Variants in MBTPS1 observed in about 807,000 individuals in gnomAD.
MBTPS1 encodes membrane-bound transcription factor site-1 protease.
MBTPS1 carries 94 observed loss-of-function variants against 127.8 expected under a neutral mutation model. The ratio of observed to expected loss-of-function variants is 0.74; its 90% CI spans 0.62 to 0.87. The LOEUF (loss-of-function observed/expected upper bound fraction) is 0.87, where lower values mean the gene tolerates loss of function less well. Ranked by LOEUF, MBTPS1 falls within the 40% of genes least tolerant of loss-of-function variation. The probability of loss-of-function intolerance (pLI) is 0.00; values close to 1 mark genes in which losing one functional copy is unlikely to be tolerated. For missense variants in MBTPS1, 1,636 were observed against 1,353.2 expected (o/e 1.21, Z -3.28); for synonymous variants, 632 against 509.4 (o/e 1.24, Z -3.24).
rs377160599 is a variant in MBTPS1 at position 84,065,136 on chromosome 16, T to C, written c.2431+554A>G. ...CTTGAAGGTAGTTTTTTTTTTTTTTTTGAGATGGTCTCCCTCTGTTGCCCA... is the reference window on the plus strand; with the variant it reads ...CTTGAAGGTAGTTTTTTTTTTTTTTCTGAGATGGTCTCCCTCTGTTGCCCA... On this transcript the variant is annotated intron_variant, in intron 18 of 22. Transcript: ENST00000343411. Among the ~76,000 whole-genome samples, 3 of 151,990 alleles carry C rather than the reference T, an allele frequency of 2.0e-5. No individual in the cohort carries two copies. In the South Asian group the frequency reaches 6.2e-4, roughly 32 times the overall value.
At chr16:84,063,219 C>T (rs987303959) in intron 19 of MBTPS1, 86 bp downstream of exon 19, 209 of 1,423,184 alleles carry the variant, frequency 1.5e-4, no homozygotes, top group Non-Finnish European at 6.3e-5. Context: ...GCTGATCTGC[C>T]AGCATCTCAC....
In MBTPS1 at chr16:84,067,786, G is replaced by A. The variant is rs2085708565; in HGVS notation, c.2109C>T (p.Phe703=). ...LLMVDSEEEY[F]PEEIAKLRRD... ...TCCGGAGCTTGGCGATCTCTTCAGGGAAGTACTCCTCCTCACTGTCCACCA... is the reference window on the plus strand; with the variant it reads ...TCCGGAGCTTGGCGATCTCTTCAGGAAAGTACTCCTCCTCACTGTCCACCA... The change falls in exon 16 of 23, where the codon TTC becomes TTT. Residue 703 remains phenylalanine (F), a synonymous_variant. Coordinates refer to ENST00000343411, the MANE Select transcript of MBTPS1 (RefSeq NM_003791.4). 1 of 1,613,870 alleles carries A rather than the reference G, an allele frequency of 6.2e-7. No individual in the cohort carries two copies.
At chr16:84,097,234 A>C (rs2151165936) in intron 3 of MBTPS1, among the ~76,000 whole-genome samples, 1 of 152,364 alleles carries the variant, frequency 6.6e-6, no homozygotes, top group East Asian at 1.9e-4. Context: ...AAAATAAAGC[A>C]AAACCTTCTA....
intron 4 of MBTPS1, 85 bp from the exon 5 acceptor site, chr16:84,093,906 G>A (rs868003592): frequency 2.1e-6 from 2 of 972,414 alleles, no homozygotes. Context: ...TCCTTCCTGG[G>A]ACCCACAGAA....
intron 17 of MBTPS1, among the ~76,000 whole-genome samples, chr16:84,066,224 G>A (rs975539422): frequency 2.0e-5 from 3 of 152,174 alleles, no homozygotes; most frequent in African/African-American, 7.2e-5. Context: ...AAGCTGTGAG[G>A]TAGTTCCTAT....
Position 84,081,894 on chromosome 16 carries a change from C to T in MBTPS1, c.1301G>A (p.Arg434His), listed in dbSNP as rs755593855. Residue 434 changes from arginine (R) to histidine (H), a missense_variant, in exon 11 of 23, where the codon CGT becomes CAT. Physicochemically the swap from Arg to His is conservative, Grantham distance 29. Coordinates refer to ENST00000343411, the MANE Select transcript of MBTPS1 (RefSeq NM_003791.4). ...CATACTGGCGGGATTCACCAGCTCA[C>T]GCTTCTGGACTGTGCTGGAGGAAAA... Reference protein sequence around the residue: ...VTLLVSTVQKRELVNPASMKQ... With the variant: ...VTLLVSTVQKHELVNPASMKQ... 33 of 1,418,634 alleles carry T rather than the reference C, an allele frequency of 2.3e-5. No homozygotes were observed. Among genetic ancestry groups the T allele is most frequent in the African/African-American group, 7.4e-5 (5 of 67,864 alleles). 87.9% of individuals were successfully genotyped at this position (1,418,634 alleles called of 1,614,324 possible).
intron 19 of MBTPS1, chr16:84,061,127 G>C (rs1308232667): frequency 5.7e-6 from 1 of 174,910 alleles, no homozygotes; most frequent in Non-Finnish European, 1.2e-5. Flanking sequence ...CCGGAATTTA[G>C]CTTTTAAGAA....
At chr16:84,068,522 C>G in intron 14 of MBTPS1, 68 bp from the exon 15 acceptor site, 1 of 1,162,178 alleles carries the variant, frequency 8.6e-7, no homozygotes, top group Non-Finnish European at 1.3e-6. Context: ...TATCTGGCCA[C>G]AGGGCCGGCT....
intron 21 of MBTPS1, chr16:84,057,451 G>C (rs3785012): frequency 0.57 from 86,373 of 152,166 alleles, 25,743 homozygotes; most frequent in Non-Finnish European, 0.64. Flanking sequence ...TACCATGTGG[G>C]TGCTTTACAG....
At chr16:84,069,799 G>C in intron 14 of MBTPS1, 67 bp downstream of exon 14, 6 of 1,395,650 alleles carry the variant, frequency 4.3e-6, no homozygotes, top group African/African-American at 2.9e-5. Context: ...CAAGAGTTGC[G>C]GGAACAGTGG....
At position 84,054,494 on chromosome 16, in the gene MBTPS1, C is replaced by T. The variant is rs757338613; in HGVS notation, c.3114G>A (p.Pro1038=). The change falls in exon 23 of 23, where the codon CCG becomes CCA. Residue 1038 remains proline (P), a synonymous_variant. Transcript: ENST00000343411. The part of the protein sequence containing the change: ...PKRRKPRVKR[P]QLMQQVHPPK... The stretch of plus-strand genomic sequence containing the variant: ...GCGGGTGAACCTGCTGCATGAGCTG[C>T]GGGCGCTTCACCCTGGGCTTCCTCC... The T allele has an allele frequency of 2.6e-5, 42 of 1,612,498 alleles. No individual in the cohort carries two copies. Among genetic ancestry groups the T allele is most frequent in the African/African-American group, 5.3e-5 (4 of 74,872 alleles).
chr16:84,081,986 A>C, intron 10 of MBTPS1, 78 bp from the exon 11 acceptor site: 3 of 1,091,914 alleles, frequency 2.7e-6, no homozygotes, highest in Non-Finnish European at 3.6e-6. Flanking sequence ...TAACCTACAA[A>C]CGTGCACACA....
At chr16:84,098,595 G>A (rs911067232) in intron 3 of MBTPS1, among the ~76,000 whole-genome samples, 2 of 152,158 alleles carry the variant, frequency 1.3e-5, no homozygotes, top group Admixed American at 6.5e-5. Context: ...CAACAAGAGC[G>A]AAACTCCGTC....
intron 14 of MBTPS1, 97 bp downstream of exon 14, chr16:84,069,769 G>A: frequency 1.7e-6 from 2 of 1,171,312 alleles, no homozygotes; most frequent in Non-Finnish European, 2.4e-6. Context: ...GGCTCCACGA[G>A]AAGCTGAGCA....
rs1453893308 is a variant in MBTPS1 at position 84,054,257 on chromosome 16, C to A, written c.*192G>T. 9.2e-6 allele frequency: 4 copies of A among 436,894 alleles called. No homozygotes were observed. The highest frequency in any genetic ancestry group is 6.0e-4 in the Middle Eastern group (2 of 3,342). 27.1% of individuals were successfully genotyped at this position (436,894 alleles called of 1,614,324 possible). On this transcript the variant is annotated 3_prime_UTR_variant, in exon 23 of 23. Transcript: ENST00000343411. ...GCCACTAAGTCCCTCCTGACGGGAT[C>A]CACAGGAATCTTCTCGATGTACCAG...
At chr16:84,080,387 G>C (rs973883604) in intron 11 of MBTPS1, among the ~76,000 whole-genome samples, 22 of 152,258 alleles carry the variant, frequency 1.4e-4, no homozygotes, top group African/African-American at 5.3e-4. Flanking sequence ...GTGAGTGGAA[G>C]TATGTGACGA....
intron 1 of MBTPS1, among the ~76,000 whole-genome samples, chr16:84,115,372 G>A (rs1353985200): frequency 6.6e-6 from 1 of 152,158 alleles, no homozygotes; most frequent in Non-Finnish European, 1.5e-5. Context: ...TGCCTGGGGA[G>A]TGCAGTCGTT....
chr16:84,089,457 T>C (rs376660372), intron 8 of MBTPS1, among the ~76,000 whole-genome samples: 1 of 152,274 alleles, frequency 6.6e-6, no homozygotes, highest in South Asian at 2.1e-4. Flanking sequence ...ATTTCATCTA[T>C]TAGGCAATAA....
At chr16:84,093,649 C>T (rs772435279) in intron 5 of MBTPS1, 62 bp downstream of exon 5, 44 of 1,112,872 alleles carry the variant, frequency 4.0e-5, no homozygotes, top group Non-Finnish European at 5.6e-5. Context: ...ACTGTGGAAT[C>T]ATGCACTAAA....
Sources: gnomAD v4.1 joint callset for allele counts (sites outside exome capture counted in the v4.1 genomes callset) on GRCh38, gnomAD v4.1.1 for gene constraint, MANE v1.5 for transcripts, NCBI Gene and HGNC (gene_info 2026-07-23, HGNC 2026-07-21) for gene names.